The following TMEM45B variants were observed in gnomAD, a reference collection of about 807,000 sequenced individuals.
TMEM45B encodes the protein transmembrane protein 45B.
A neutral mutation model predicts 27.3 loss-of-function variants in TMEM45B; 29 were observed. The observed-to-expected ratio is 1.06, with a 90% confidence interval of 0.79 to 1.45. TMEM45B has a LOEUF of 1.45. Among genes scored for constraint, TMEM45B ranks in the 40% most tolerant of loss-of-function variants. The pLI is 0.00. For synonymous variants in TMEM45B, 143 were observed against 134.7 expected, an observed-to-expected ratio of 1.06 and a Z score of -0.43; for missense variants, 348 against 343.9, an observed-to-expected ratio of 1.01 and a Z score of -0.09.
chr11:129,824,929 A>C (rs905614470), intron 1 of TMEM45B, among the ~76,000 whole-genome samples: 6 of 152,124 alleles, frequency 3.9e-5, no homozygotes, highest in Non-Finnish European at 5.9e-5. Flanking sequence ...AGGGGACAAC[A>C]TGAGCAAAGG....
chr11:129,853,147 G>A (rs1202920542), intron 2 of TMEM45B, among the ~76,000 whole-genome samples: 1 of 152,158 alleles, frequency 6.6e-6, no homozygotes, highest in Non-Finnish European at 1.5e-5. Flanking sequence ...AAATTAGCCA[G>A]TGGGAGAGAA....
intron 1 of TMEM45B, among the ~76,000 whole-genome samples, chr11:129,840,820 G>A (rs1365674233): frequency 6.6e-6 from 1 of 151,932 alleles, no homozygotes; most frequent in Non-Finnish European, 1.5e-5. Flanking sequence ...AGAGGTTGCA[G>A]TGAGCCAAGA....
intron 2 of TMEM45B, 84 bp from the exon 3 acceptor site, chr11:129,854,526 G>C: frequency 7.1e-7 from 1 of 1,416,428 alleles, no homozygotes; most frequent in Non-Finnish European, 9.8e-7. Flanking sequence ...TCTCCGCTTC[G>C]CTCATGCCTT....
chr11:129,849,824 A>T (rs1427898570), intron 1 of TMEM45B, among the ~76,000 whole-genome samples: 1 of 152,044 alleles, frequency 6.6e-6, no homozygotes, highest in Non-Finnish European at 1.5e-5. Context: ...TTCCCCTGAA[A>T]CTGTTCTGCC....
At chr11:129,839,746 G>A (rs922782994) in intron 1 of TMEM45B, among the ~76,000 whole-genome samples, 1 of 152,116 alleles carries the variant, frequency 6.6e-6, no homozygotes, top group Non-Finnish European at 1.5e-5. Flanking sequence ...TGTTGCCCAG[G>A]CTGATCTTGA....
At chr11:129,817,641 C>T (rs1947368536) in intron 1 of TMEM45B, among the ~76,000 whole-genome samples, 1 of 152,214 alleles carries the variant, frequency 6.6e-6, no homozygotes, top group Admixed American at 6.5e-5. Flanking sequence ...TATCCTCAGG[C>T]CACACCTGTT....
chr11:129,855,959 G>C, intron 4 of TMEM45B, 67 bp downstream of exon 4: 2 of 1,569,994 alleles, frequency 1.3e-6, no homozygotes, highest in Non-Finnish European at 1.7e-6. Flanking sequence ...GCATCCCAGA[G>C]AAATCCCTGA....
chr11:129,835,176 G>T (rs1947605506), intron 1 of TMEM45B, among the ~76,000 whole-genome samples: 1 of 152,154 alleles, frequency 6.6e-6, no homozygotes, highest in Non-Finnish European at 1.5e-5. Flanking sequence ...AGAAAAAAAG[G>T]AACCAAAACT....
intron 1 of TMEM45B, among the ~76,000 whole-genome samples, chr11:129,818,320 T>G (rs1947376971): frequency 6.6e-6 from 1 of 152,230 alleles, no homozygotes; most frequent in Non-Finnish European, 1.5e-5. Flanking sequence ...CTTCTGTATG[T>G]GATGCAGAGT....
At chr11:129,855,994 A>T (rs1289351527) in intron 4 of TMEM45B, 102 bp downstream of exon 4, 1 of 1,379,786 alleles carries the variant, frequency 7.2e-7, no homozygotes, top group African/African-American at 1.4e-5. Context: ...CTGAAAATGC[A>T]GCATTAACAT....
Position 129,852,497 on chromosome 11 carries a change from G to A in TMEM45B, c.15G>A (p.Lys5=). 1 of 1,592,556 alleles carries A rather than the reference G, an allele frequency of 6.3e-7. No individual in the cohort carries two copies. Among genetic ancestry groups the A allele is most frequent in the Non-Finnish European group, 8.6e-7 (1 of 1,163,286 alleles). The change falls in exon 2 of 6, where the codon AAG becomes AAA. Residue 5 remains lysine, a synonymous_variant. Transcript: ENST00000281441. MANF[K]GHALPGSFFL... is the part of the protein sequence containing the mutation. ...TAGGTGTCCTGATGGCAAATTTCAA[G>A]GGCCACGCGCTTCCAGGGAGTTTCT...
Position 129,845,337 on chromosome 11 carries a change from A to AT in TMEM45B, c.-8-7137dup, listed in dbSNP as rs1555071917. Among the ~76,000 whole-genome samples the AT allele has an allele frequency of 3.6e-3, 443 of 121,514 alleles. 13 individuals are homozygous for AT. Among genetic ancestry groups the AT allele is most frequent in the African/African-American group, 0.014 (413 of 29,232 alleles). 79.7% of individuals were successfully genotyped at this position (121,514 alleles called of 152,430 possible). ...GGGGTAGGAAATAGAGCTATTATAG[A>AT]TGTGTGTGTGTGTGTGTGTGTGTGT... On this transcript the variant is annotated intron_variant, in intron 1 of 5. Coordinates refer to ENST00000281441, the MANE Select transcript of TMEM45B (RefSeq NM_138788.5).
rs1487319861 is a variant in TMEM45B, at chr11:129,817,489, A to G, written c.-9+1591A>G. ...TTTTACAAGTGGAGGTGACTGAGAT[A>G]AGCAGAAGGTGAGGCATGACCTCTG... On this transcript the variant is annotated intron_variant, in intron 1 of 5. Transcript: ENST00000281441. 5.3e-5 allele frequency among the ~76,000 whole-genome samples: 8 copies of G among 152,204 alleles called. No individual in the cohort carries two copies. In the South Asian group the frequency reaches 1.4e-3, roughly 28 times the overall value.
At position 129,858,560 on chromosome 11, in the gene TMEM45B, T is replaced by C. The variant is rs899712586; in HGVS notation, c.717-14T>C. Reference sequence around the variant, plus strand: ...ATCTCTGGCTAATTGGCTCTTACTCTTTCTCTATTAAAGCCTTTTGACTCG... The same window carrying C: ...ATCTCTGGCTAATTGGCTCTTACTCCTTCTCTATTAAAGCCTTTTGACTCG... On this transcript the variant is annotated splice_polypyrimidine_tract_variant and intron_variant, in intron 5 of 5. Coordinates refer to ENST00000281441, the MANE Select transcript of TMEM45B (RefSeq NM_138788.5). The C allele has an allele frequency of 1.3e-6, 2 of 1,567,086 alleles. No homozygotes were observed. The highest frequency in any genetic ancestry group is 1.3e-5 in the African/African-American group (1 of 74,396).
rs1396213940 is a variant in TMEM45B at position 129,855,797 on chromosome 11, G to A, written c.475G>A (p.Val159Ile). Residue 159 changes from valine to isoleucine, a missense_variant, in exon 4 of 6, where the codon GTT becomes ATT. Transcript: ENST00000281441. ...LLLYALFGGC[V>I]SISLEVIFRD... ...GCTGTATGCTCTGTTCGGAGGGTGT[G>A]TTAGTATCTCCCTAGAGGTGATCTT... 2 of 1,614,148 alleles carry A rather than the reference G, an allele frequency of 1.2e-6. No individual in the cohort carries two copies. Among genetic ancestry groups the A allele is most frequent in the Non-Finnish European group, 1.7e-6 (2 of 1,180,032 alleles).
chr11:129,832,537 G>A (rs1021070207), intron 1 of TMEM45B, among the ~76,000 whole-genome samples: 15 of 151,974 alleles, frequency 9.9e-5, no homozygotes, highest in African/African-American at 3.6e-4. Flanking sequence ...ATTGCCAGGG[G>A]TTGGGGGGCT....
chr11:129,816,298 C>A (rs903178909), intron 1 of TMEM45B, among the ~76,000 whole-genome samples: 3 of 152,118 alleles, frequency 2.0e-5, no homozygotes, highest in African/African-American at 7.2e-5. Flanking sequence ...CCCGGTGAGT[C>A]CGGGGACGCG....
At chr11:129,817,763 C>A (rs950682767) in intron 1 of TMEM45B, among the ~76,000 whole-genome samples, 8 of 152,172 alleles carry the variant, frequency 5.3e-5, no homozygotes, top group East Asian at 1.9e-4. Flanking sequence ...TCATCTCCCC[C>A]CTACCTGCAG....
At chr11:129,830,554 A>G (rs886593473) in intron 1 of TMEM45B, among the ~76,000 whole-genome samples, 5 of 152,224 alleles carry the variant, frequency 3.3e-5, no homozygotes, top group African/African-American at 1.2e-4. Flanking sequence ...CAACTCACAG[A>G]ATGGGAGAAA....
Sources: allele counts gnomAD v4.1 joint callset (sites outside exome capture counted in the v4.1 genomes callset), GRCh38; gene constraint gnomAD v4.1.1; transcripts MANE v1.5; gene names NCBI Gene and HGNC (gene_info 2026-07-23, HGNC 2026-07-21).